TSEN2: variants seen among roughly 807,000 people sequenced by gnomAD.
TSEN2 encodes the protein tRNA splicing endonuclease subunit 2.
TSEN2 carries 54 observed loss-of-function variants against 59.2 expected under a neutral mutation model. That is an observed-to-expected ratio of 0.91 (90% CI 0.73 to 1.14). The LOEUF (loss-of-function observed/expected upper bound fraction) is 1.14, where lower values mean the gene tolerates loss of function less well. Ranked by LOEUF, TSEN2 falls within the 50% of genes most tolerant of loss-of-function variation. The pLI is 0.00. For missense variants in TSEN2, 636 were observed against 576.2 expected, an observed-to-expected ratio of 1.10 and a Z score of -1.06; for synonymous variants, 195 against 198.2, an observed-to-expected ratio of 0.98 and a Z score of 0.14.
chr3:12,481,791 G>A (rs1193551231), upstream of TSEN2, among the ~76,000 whole-genome samples: 5 of 152,110 alleles, frequency 3.3e-5, no homozygotes, highest in Admixed American at 2.6e-4. Flanking sequence ...CTTGTATCTT[G>A]TATTTCTCCT....
chr3:12,481,923 G>A (rs942878143), upstream of TSEN2, among the ~76,000 whole-genome samples: 6 of 148,408 alleles, frequency 4.0e-5, no homozygotes, highest in South Asian at 2.1e-4. Context: ...GTGTGTCTGC[G>A]TATATATATA....
At position 12,533,026 on chromosome 3, in the gene TSEN2, G is replaced by C; in HGVS notation, c.*305G>C. On this transcript the variant is annotated 3_prime_UTR_variant, in exon 12 of 12. Coordinates refer to ENST00000284995, the MANE Select transcript of TSEN2 (RefSeq NM_025265.4). ...GATTGGACTAGAGGAGTCCTGAGAGGACACTTCCAACAAGAGACATTTATT... is the reference window on the plus strand; with the variant it reads ...GATTGGACTAGAGGAGTCCTGAGAGCACACTTCCAACAAGAGACATTTATT... 2.1e-6 allele frequency: 1 copy of C among 466,078 alleles called. No homozygotes were observed. The highest frequency in any genetic ancestry group is 3.9e-6 in the Non-Finnish European group (1 of 257,226). The allele number at this position is 466,078 out of a possible 1,614,324, so 28.9% of individuals were successfully genotyped here.
At position 12,526,182 on chromosome 3, in the gene TSEN2, A is replaced by G. The variant is rs373392826; in HGVS notation, c.1100-2706A>G. 1.4e-3 allele frequency among the ~76,000 whole-genome samples: 206 copies of G among 152,088 alleles called. 3 individuals carry two copies. In the South Asian group the frequency reaches 0.041, roughly 30 times the overall value. ...AGGTAGACCATGTCTCTCTCTCTAT[A>G]TATGTGTATAAAAAAATCTAAAGAC... is the stretch of plus-strand genomic sequence containing the variant. On this transcript the variant is annotated intron_variant, in intron 8 of 11. Transcript: ENST00000284995.
At chr3:12,520,001 T>C (rs1313703270) in intron 8 of TSEN2, among the ~76,000 whole-genome samples, 17 of 150,452 alleles carry the variant, frequency 1.1e-4, no homozygotes, top group Admixed American at 1.1e-3. Context: ...ACGCTTACTG[T>C]CTTTTTTTTT....
chr3:12,521,308 G>A (rs1405041697), intron 8 of TSEN2, among the ~76,000 whole-genome samples: 1 of 152,234 alleles, frequency 6.6e-6, no homozygotes, highest in Non-Finnish European at 1.5e-5. Context: ...TTACATTCTA[G>A]GGGGATGGGG....
In TSEN2 at chr3:12,503,631, T is replaced by C. The variant is rs1243739636; in HGVS notation, c.678T>C (p.Asp226=). Residue 226 remains aspartate (D), a synonymous_variant, in exon 5 of 12, where the codon GAT becomes GAC. Transcript: ENST00000284995. ...CCCATGTCTGTTGCTGCAAACAAGA[T>C]GCTCTCATCCTCCAGCGTGGCCTTC... ...PLPHVCCCKQ[D]ALILQRGLHH... is the part of the protein sequence containing the mutation. 1 of 1,596,202 alleles carries C rather than the reference T, an allele frequency of 6.3e-7. No individual in the cohort carries two copies. The highest frequency in any genetic ancestry group is 1.1e-5 in the South Asian group (1 of 88,132).
intron 7 of TSEN2, among the ~76,000 whole-genome samples, chr3:12,518,366 C>T (rs999787739): frequency 6.6e-5 from 10 of 152,190 alleles, no homozygotes; most frequent in Admixed American, 3.9e-4. Flanking sequence ...AATGTTGTCA[C>T]GAACTGTGCT....
At position 12,503,614 on chromosome 3, in the gene TSEN2, T is replaced by A; in HGVS notation, c.661T>A (p.Cys221Ser). The stretch of plus-strand genomic sequence containing the variant: ...GGATGCCTCACCTCTGCCCCATGTC[T>A]GTTGCTGCAAACAAGATGCTCTCAT... ...REDASPLPHV[C>S]CCKQDALILQ... Residue 221 changes from cysteine to serine, a missense_variant, in exon 5 of 12, where the codon TGT becomes AGT. Transcript: ENST00000284995. 6.3e-7 allele frequency: 1 copy of A among 1,594,836 alleles called. No individual in the cohort carries two copies. The highest frequency in any genetic ancestry group is 8.6e-7 in the Non-Finnish European group (1 of 1,169,438).
At chr3:12,508,820 G>A (rs1185651362) in intron 6 of TSEN2, among the ~76,000 whole-genome samples, 3 of 152,140 alleles carry the variant, frequency 2.0e-5, no homozygotes, top group Non-Finnish European at 2.9e-5. Flanking sequence ...CAGTGGACAC[G>A]CACACACGCA....
chr3:12,512,168 C>G (rs1033169575), intron 6 of TSEN2, among the ~76,000 whole-genome samples: 1 of 152,176 alleles, frequency 6.6e-6, no homozygotes, highest in Non-Finnish European at 1.5e-5. Context: ...CTCATTGTGT[C>G]GCATCCCTCT....
At chr3:12,500,346 T>C (rs948795099) in intron 4 of TSEN2, among the ~76,000 whole-genome samples, 7 of 152,196 alleles carry the variant, frequency 4.6e-5, no homozygotes, top group African/African-American at 1.7e-4. Flanking sequence ...TTCTTCTACA[T>C]GCTCTTCGAG....
chr3:12,490,409 G>A (rs367637184), intron 2 of TSEN2, among the ~76,000 whole-genome samples: 21 of 152,312 alleles, frequency 1.4e-4, no homozygotes, highest in East Asian at 1.2e-3. Context: ...ACTCAGGCAC[G>A]GATCAGATGG....
At chr3:12,503,812 T>C in intron 5 of TSEN2, 28 bp downstream of exon 5, 1 of 1,603,822 alleles carries the variant, frequency 6.2e-7, no homozygotes, top group Non-Finnish European at 8.5e-7. Context: ...AATCGCTTCC[T>C]CCAAAGCCAT....
At chr3:12,494,404 A>T (rs2053534891) in intron 3 of TSEN2, among the ~76,000 whole-genome samples, 1 of 152,124 alleles carries the variant, frequency 6.6e-6, no homozygotes, top group Non-Finnish European at 1.5e-5. Context: ...ATATTTTTTG[A>T]GACAAGAGTC....
rs1477559438 is a variant in TSEN2 at position 12,532,917 on chromosome 3, C to A, written c.*196C>A. 2 of 627,694 alleles carry A rather than the reference C, an allele frequency of 3.2e-6. No homozygotes were observed. The highest frequency in any genetic ancestry group is 1.8e-5 in the African/African-American group (1 of 54,332). 38.9% of individuals were successfully genotyped at this position (627,694 alleles called of 1,614,324 possible). A position where few individuals can be genotyped will look rare whatever the true frequency, so the allele number is the denominator to read the frequency against. ...GATCCCTGTGCTAGGACTGCAGATT[C>A]TATACTTGCGTTGGCCTCTAACTCT... On this transcript the variant is annotated 3_prime_UTR_variant, in exon 12 of 12. Transcript: ENST00000284995.
At chr3:12,481,895 A>ATGTGTGTG (rs1303096487), upstream of TSEN2, among the ~76,000 whole-genome samples, 18 of 80,832 alleles carry the variant, frequency 2.2e-4, no homozygotes, top group African/African-American at 8.1e-4. Context: ...CACAGTTGAT[A>ATGTGTGTG]TATGTGTGTG....
In TSEN2 at chr3:12,520,804, G is replaced by C. The variant is rs183556197; in HGVS notation, c.1099+1607G>C. Among the ~76,000 whole-genome samples, 61 of 152,066 alleles carry C rather than the reference G, an allele frequency of 4.0e-4. No individual in the cohort carries two copies. The East Asian group carries it at 0.011, about 26-fold the overall frequency. On this transcript the variant is annotated intron_variant, in intron 8 of 11. Transcript: ENST00000284995. ...CCACCTCAAAAAAAAAAAATTTTTA[G>C]GTTCAAGGGTACATGTGCAGGTTTG...
At chr3:12,517,019 A>G (rs757158302) in intron 7 of TSEN2, among the ~76,000 whole-genome samples, 7 of 152,188 alleles carry the variant, frequency 4.6e-5, no homozygotes, top group Non-Finnish European at 8.8e-5. Flanking sequence ...CTTTACACGC[A>G]ATATTTCCAG....
chr3:12,536,582 CTT>C (rs2057676689), downstream of TSEN2, among the ~76,000 whole-genome samples: 1 of 152,168 alleles, frequency 6.6e-6, no homozygotes, highest in Non-Finnish European at 1.5e-5. Flanking sequence ...ATAAAGGAAA[CTT>C]AATCTAAGGA....
Sources: allele counts gnomAD v4.1 joint callset (sites outside exome capture counted in the v4.1 genomes callset), GRCh38; gene constraint gnomAD v4.1.1; transcripts MANE v1.5; gene names NCBI Gene and HGNC (gene_info 2026-07-23, HGNC 2026-07-21).